TSPAN2: variants seen among roughly 807,000 people sequenced by gnomAD.
TSPAN2 encodes tetraspanin 2, also known as tetraspanin-2.
In TSPAN2, 24 loss-of-function variants were observed where a neutral mutation model predicts 33.3. The observed-to-expected ratio is 0.72, with a 90% CI of 0.52 to 1.01. The LOEUF (loss-of-function observed/expected upper bound fraction) is 1.01. Among genes scored for constraint, TSPAN2 ranks in the 50% least tolerant of loss-of-function variants. TSPAN2 has a pLI of 0.00. For synonymous variants in TSPAN2, 114 were observed against 104.5 expected, an observed-to-expected ratio of 1.09 and a Z score of -0.56; for missense variants, 278 against 281.3, an observed-to-expected ratio of 0.99 and a Z score of 0.08.
At chr1:115,065,381 T>C (rs1423956121) in intron 2 of TSPAN2, among the ~76,000 whole-genome samples, 1 of 152,198 alleles carries the variant, frequency 6.6e-6, no homozygotes, top group African/African-American at 2.4e-5. Flanking sequence ...CTGTAGAGCC[T>C]TCTCCTTCCC....
chr1:115,055,327 G>T (rs976569737), intron 6 of TSPAN2, among the ~76,000 whole-genome samples: 1 of 38,734 alleles, frequency 2.6e-5, no homozygotes, highest in Admixed American at 4.9e-4. Flanking sequence ...CTGGAAAAGA[G>T]ATTTTTTTTT....
At chr1:115,060,188 T>A (rs1055610955) in intron 4 of TSPAN2, among the ~76,000 whole-genome samples, 3 of 152,128 alleles carry the variant, frequency 2.0e-5, no homozygotes, top group Non-Finnish European at 4.4e-5. Flanking sequence ...TGGGGAAGAA[T>A]CTTAAATTAG....
chr1:115,065,958 A>G lies in TSPAN2; in HGVS notation c.173-3726T>C, dbSNP rs75261902. Among the ~76,000 whole-genome samples the G allele has an allele frequency of 6.7e-3, 1,025 of 152,174 alleles. 10 individuals carry two copies. Among genetic ancestry groups the G allele is most frequent in the African/African-American group, 0.023 (936 of 41,500 alleles). Reference sequence around the variant, plus strand: ...TCAGTCTACCCTCGGCCTCCATGAGATCCACTTATTCAGTTCCCACATGAG... The same window carrying G: ...TCAGTCTACCCTCGGCCTCCATGAGGTCCACTTATTCAGTTCCCACATGAG... On this transcript the variant is annotated intron_variant, in intron 2 of 7. Transcript: ENST00000369516.
At position 115,049,662 on chromosome 1, in the gene TSPAN2, G is replaced by A. The variant is rs769908439; in HGVS notation, c.*828C>T. On this transcript the variant is annotated 3_prime_UTR_variant, in exon 8 of 8. Transcript: ENST00000369516. The stretch of plus-strand genomic sequence containing the variant: ...CTTTGAGGATGTGAGGGTTGCAGTA[G>A]TTTACAGCAGGGTCAGAAAATGAAA... The A allele has an allele frequency of 6.6e-6, 1 of 152,524 alleles. No individual in the cohort carries two copies. The highest frequency in any genetic ancestry group is 1.5e-5 in the Non-Finnish European group (1 of 67,990). 9.4% of individuals were successfully genotyped at this position (152,524 alleles called of 1,614,324 possible).
At position 115,049,663 on chromosome 1, in the gene TSPAN2, T is replaced by C. The variant is rs1274849714; in HGVS notation, c.*827A>G. 6.6e-6 allele frequency: 1 copy of C among 152,584 alleles called. No individual in the cohort carries two copies. Among genetic ancestry groups the C allele is most frequent in the African/African-American group, 2.4e-5 (1 of 41,446 alleles). The allele number at this position is 152,584 out of a possible 1,614,324, so 9.5% of individuals were successfully genotyped here. On this transcript the variant is annotated 3_prime_UTR_variant, in exon 8 of 8. Transcript: ENST00000369516. ...TTTGAGGATGTGAGGGTTGCAGTAG[T>C]TTACAGCAGGGTCAGAAAATGAAAG...
intron 1 of TSPAN2, 52 bp downstream of exon 1, chr1:115,089,312 G>GGCCCCCCCCCCGCCC: frequency 1.6e-5 from 22 of 1,388,988 alleles, no homozygotes; most frequent in Middle Eastern, 2.1e-4. Context: ...CCGGCCCCGC[G>GGCCCCCCCCCCGCCC]CCCGCCACCC....
At chr1:115,074,601 G>A (rs1404426865) in intron 1 of TSPAN2, among the ~76,000 whole-genome samples, 1 of 152,144 alleles carries the variant, frequency 6.6e-6, no homozygotes, top group East Asian at 1.9e-4. Context: ...ATTGAAAGGA[G>A]TTTTGCTAAA....
intron 3 of TSPAN2, among the ~76,000 whole-genome samples, chr1:115,061,747 C>T (rs567443875): frequency 6.6e-6 from 1 of 152,248 alleles, no homozygotes; most frequent in Admixed American, 6.5e-5. Context: ...TCATGGCTCA[C>T]TGCAGCCTCC....
At chr1:115,058,836 A>G in intron 5 of TSPAN2, 47 bp downstream of exon 5, 1 of 1,465,008 alleles carries the variant, frequency 6.8e-7, no homozygotes, top group Non-Finnish European at 9.6e-7. Flanking sequence ...TGGCTCACAC[A>G]TAATCTTTAG....
chr1:115,057,428 A>T, intron 6 of TSPAN2, 109 bp downstream of exon 6: 1 of 1,059,264 alleles, frequency 9.4e-7, no homozygotes, highest in Non-Finnish European at 1.5e-6. Context: ...TGCTGCCACT[A>T]GAGCAAATTC....
chr1:115,053,010 G>T (rs1310898301), intron 7 of TSPAN2, among the ~76,000 whole-genome samples: 1 of 152,170 alleles, frequency 6.6e-6, no homozygotes, highest in African/African-American at 2.4e-5. Flanking sequence ...ATGCTCTGCT[G>T]CCTCTTCAAA....
At chr1:115,069,983 A>G (rs1173262732) in intron 2 of TSPAN2, among the ~76,000 whole-genome samples, 1 of 152,234 alleles carries the variant, frequency 6.6e-6, no homozygotes, top group African/African-American at 2.4e-5. Flanking sequence ...GTATCTAATC[A>G]TAAAGGTTTT....
chr1:115,078,039 A>T (rs1458181584), intron 1 of TSPAN2, among the ~76,000 whole-genome samples: 1 of 152,202 alleles, frequency 6.6e-6, no homozygotes, highest in Admixed American at 6.5e-5. Flanking sequence ...GTGCACTGAT[A>T]CCTAAGTGGG....
intron 5 of TSPAN2, chr1:115,058,158 G>A (rs183598512): frequency 7.2e-4 from 114 of 159,028 alleles, no homozygotes; most frequent in African/African-American, 2.6e-3. Flanking sequence ...GGCAGCTGAG[G>A]TGAAACCGTA....
At chr1:115,069,541 A>G (rs903996530) in intron 2 of TSPAN2, among the ~76,000 whole-genome samples, 3 of 152,178 alleles carry the variant, frequency 2.0e-5, no homozygotes, top group African/African-American at 7.2e-5. Flanking sequence ...TGGAGAAGAA[A>G]CCTGCTTAAG....
At chr1:115,067,725 G>C (rs1226515460) in intron 2 of TSPAN2, among the ~76,000 whole-genome samples, 1 of 152,182 alleles carries the variant, frequency 6.6e-6, no homozygotes, top group Non-Finnish European at 1.5e-5. Flanking sequence ...TGCGATCCTG[G>C]AGAGCCGAGT....
At chr1:115,053,545 A>T in intron 6 of TSPAN2, 83 bp from the exon 7 acceptor site, 1 of 1,168,074 alleles carries the variant, frequency 8.6e-7, no homozygotes, top group Non-Finnish European at 1.3e-6. Context: ...CCATCTCTAC[A>T]GTTCATTCTG....
Position 115,089,455 on chromosome 1 carries a change from C to T in TSPAN2, c.-23G>A. The stretch of plus-strand genomic sequence containing the variant: ...CATGCTGCGGCCCGGCGGCGGGATC[C>T]CCAGTCCCCAGGCCCGCGCTACGAG... On this transcript the variant is annotated 5_prime_UTR_variant, in exon 1 of 8. Coordinates refer to ENST00000369516, the MANE Select transcript of TSPAN2 (RefSeq NM_005725.6). 6.5e-7 allele frequency: 1 copy of T among 1,537,082 alleles called. No homozygotes were observed. The highest frequency in any genetic ancestry group is 8.7e-7 in the Non-Finnish European group (1 of 1,142,956).
At chr1:115,074,550 A>T (rs1646413977) in intron 1 of TSPAN2, among the ~76,000 whole-genome samples, 1 of 152,138 alleles carries the variant, frequency 6.6e-6, no homozygotes, top group South Asian at 2.1e-4. Context: ...CTTCTGAAAG[A>T]CGTCTGCATT....
Sources: allele counts gnomAD v4.1 joint callset (sites outside exome capture counted in the v4.1 genomes callset), GRCh38; gene constraint gnomAD v4.1.1; transcripts MANE v1.5; gene names NCBI Gene and HGNC (gene_info 2026-07-23, HGNC 2026-07-21).